Variants in TRHDE observed in about 807,000 individuals in gnomAD.
TRHDE encodes thyrotropin-releasing hormone-degrading ectoenzyme.
In TRHDE, 72 loss-of-function variants were observed where a neutral mutation model predicts 125.7. That is an observed-to-expected ratio of 0.57 (90% confidence interval 0.47 to 0.70). The LOEUF is 0.70. TRHDE is among the 30% of genes least tolerant of loss of function. TRHDE has a pLI of 0.00. For synonymous variants in TRHDE, 509 were observed against 509.1 expected (o/e 1.00, Z 0.00); for missense variants, 1,110 against 1,327.1 (o/e 0.84, Z 2.54).
chr12:72,264,104 C>G (rs1318867491), intron 2 of TRHDE: 3 of 151,996 alleles, frequency 2.0e-5, no homozygotes, highest in African/African-American at 7.2e-5. Flanking sequence ...GAAACCATTC[C>G]TTTTCACTTG....
chr12:72,371,285 C>G (rs945466809), intron 2 of TRHDE, among the ~76,000 whole-genome samples: 1 of 150,816 alleles, frequency 6.6e-6, no homozygotes, highest in Non-Finnish European at 1.5e-5. Context: ...ACCTATGAAA[C>G]TCATTCATTT....
rs572768697 is a variant in TRHDE, at chr12:72,429,344, A to G, written c.1316-40414A>G. Among the ~76,000 whole-genome samples the G allele has an allele frequency of 3.7e-5, 5 of 136,054 alleles. No homozygotes were observed. In the East Asian group the frequency reaches 9.8e-4, roughly 27 times the overall value. The allele number at this position is 136,054 out of a possible 152,430, so 89.3% of individuals were successfully genotyped here. A position where few individuals can be genotyped will look rare whatever the true frequency, so the allele number is the denominator to read the frequency against. On this transcript the variant is annotated intron_variant, in intron 3 of 18. Transcript: ENST00000261180. Reference sequence around the variant, plus strand: ...CGTAACCCAGAATTTAAAGCATAATAATAATAATAATAATAATAATAATAA... The same window carrying G: ...CGTAACCCAGAATTTAAAGCATAATGATAATAATAATAATAATAATAATAA...
intron 2 of TRHDE, among the ~76,000 whole-genome samples, chr12:72,295,314 G>A (rs1880251556): frequency 6.6e-6 from 1 of 152,122 alleles, no homozygotes; most frequent in Non-Finnish European, 1.5e-5. Flanking sequence ...GGGCTCCATG[G>A]AGAGGGCAGC....
Position 72,273,153 on chromosome 12 carries a change from G to A in TRHDE, c.510G>A (p.Pro170=). The A allele has an allele frequency of 1.3e-6, 2 of 1,576,540 alleles. No individual in the cohort carries two copies. Among genetic ancestry groups the A allele is most frequent in the Non-Finnish European group, 1.7e-6 (2 of 1,159,022 alleles). ...CGGGGACCACGTCGGCCCAGCCGCCGTCGGAGGAGGAGCGGGAGCCGTGGG... is the reference window on the plus strand; with the variant it reads ...CGGGGACCACGTCGGCCCAGCCGCCATCGGAGGAGGAGCGGGAGCCGTGGG... ...ASPGTTSAQP[P]SEEEREPWEP... Residue 170 remains proline (P), a synonymous_variant, in exon 1 of 19, where the codon CCG becomes CCA. Coordinates refer to ENST00000261180, the MANE Select transcript of TRHDE (RefSeq NM_013381.3). The surrounding 1 kb of genome is among the most constrained non-coding windows in gnomAD (Gnocchi z 5.3).
chr12:72,210,347 C>T (rs1219124877), intron 2 of TRHDE, among the ~76,000 whole-genome samples: 4 of 152,054 alleles, frequency 2.6e-5, no homozygotes, highest in Non-Finnish European at 5.9e-5. Flanking sequence ...GCCATTGTTT[C>T]CCTTGTGCAT....
chr12:72,214,469 C>CT (rs1038225327), intron 2 of TRHDE, among the ~76,000 whole-genome samples: 1 of 152,080 alleles, frequency 6.6e-6, no homozygotes, highest in African/African-American at 2.4e-5. Context: ...ACAATTATTG[C>CT]TTTTTTCTGA....
chr12:72,180,569 A>G (rs965504469), intron 2 of TRHDE, among the ~76,000 whole-genome samples: 2 of 152,034 alleles, frequency 1.3e-5, no homozygotes, highest in Non-Finnish European at 2.9e-5. Flanking sequence ...GTTCCTTTTG[A>G]AAAGGGATAT....
At chr12:72,156,371 G>A (rs995107784) in intron 2 of TRHDE, among the ~76,000 whole-genome samples, 2 of 152,152 alleles carry the variant, frequency 1.3e-5, no homozygotes, top group East Asian at 1.9e-4. Flanking sequence ...GCCCTGCTTC[G>A]GCTCATGCTC....
chr12:72,616,760 A>T (rs965245959), intron 12 of TRHDE, among the ~76,000 whole-genome samples: 4 of 152,130 alleles, frequency 2.6e-5, no homozygotes, highest in African/African-American at 4.8e-5. Context: ...AAGTTTTTTT[A>T]AAAATACATT....
chr12:72,449,538 A>G (rs1875469503), intron 3 of TRHDE, among the ~76,000 whole-genome samples: 1 of 151,994 alleles, frequency 6.6e-6, no homozygotes, highest in African/African-American at 2.4e-5. Flanking sequence ...TAGTAATAGA[A>G]AGATAGATGG....
rs556865939 is a variant in TRHDE, at chr12:72,338,543, T to A, written c.1189-39452T>A. Among the ~76,000 whole-genome samples the A allele has an allele frequency of 9.8e-5, 15 of 152,294 alleles. No homozygotes were observed. In the South Asian group the frequency reaches 2.9e-3, roughly 29 times the overall value. ...AGAGTGTAGGTTCTAGCTTTTTATCTGACATCCACTCATTATATGACTTTG... is the reference window on the plus strand; with the variant it reads ...AGAGTGTAGGTTCTAGCTTTTTATCAGACATCCACTCATTATATGACTTTG... On this transcript the variant is annotated intron_variant, in intron 2 of 18. Transcript: ENST00000261180.
chr12:72,319,734 A>G (rs1486163049), intron 2 of TRHDE, among the ~76,000 whole-genome samples: 1 of 152,212 alleles, frequency 6.6e-6, no homozygotes, highest in Non-Finnish European at 1.5e-5. Context: ...AGATAATAAG[A>G]ACCATTGTTT....
At chr12:72,283,869 C>T (rs1879783133) in intron 1 of TRHDE, among the ~76,000 whole-genome samples, 1 of 151,468 alleles carries the variant, frequency 6.6e-6, no homozygotes, top group South Asian at 2.1e-4. Context: ...TATTAGGTGT[C>T]CTTTAATTTT....
At chr12:72,092,394 C>T (rs1874811517) in intron 1 of TRHDE, among the ~76,000 whole-genome samples, 1 of 152,200 alleles carries the variant, frequency 6.6e-6, no homozygotes, top group African/African-American at 2.4e-5. Flanking sequence ...GCCCATGTAA[C>T]TGGAAAGCAT....
chr12:72,388,031 C>A lies in TRHDE; in HGVS notation c.1315+9910C>A, dbSNP rs184353383. Among the ~76,000 whole-genome samples the A allele has an allele frequency of 3.5e-3, 539 of 152,144 alleles. 2 individuals are homozygous for A. The highest frequency in any genetic ancestry group is 5.7e-3 in the Non-Finnish European group (385 of 67,998). ...TGCATGCTTGCCCCTACCCTTTACC[C>A]CCCCGGACCCTCTAATCTCATTTAT... On this transcript the variant is annotated intron_variant, in intron 3 of 18. Coordinates refer to ENST00000261180, the MANE Select transcript of TRHDE (RefSeq NM_013381.3).
Position 72,206,493 on chromosome 12 carries a change from A to G in TRHDE, n.279+100741A>G, listed in dbSNP as rs1246391220. On this transcript the variant is annotated intron_variant and non_coding_transcript_variant, in intron 2 of 4. Coordinates refer to the TRHDE transcript ENST00000548156. ...TAGAAACTTTATTTGTAGTAACCTC[A>G]TAGTGCCTAGTACCTAGTAGGTGTT... is the stretch of plus-strand genomic sequence containing the variant. 1.8e-4 allele frequency among the ~76,000 whole-genome samples: 27 copies of G among 152,192 alleles called. 1 individual carries two copies. The highest frequency in any genetic ancestry group is 1.8e-3 in the Admixed American group (27 of 15,286).
At chr12:72,624,181 T>C (rs144029359) in intron 15 of TRHDE, among the ~76,000 whole-genome samples, 103 of 152,108 alleles carry the variant, frequency 6.8e-4, no homozygotes, top group South Asian at 5.6e-3. Context: ...AGCTTGATAA[T>C]TAAACAATAA....
At chr12:72,367,047 G>C (rs368566634) in intron 2 of TRHDE, among the ~76,000 whole-genome samples, 94 of 152,116 alleles carry the variant, frequency 6.2e-4, no homozygotes, top group African/African-American at 2.2e-3. Context: ...GGTAGTTGTG[G>C]TTTTCATATC....
chr12:72,631,677 G>T (rs1006278162), intron 15 of TRHDE, among the ~76,000 whole-genome samples: 1 of 151,752 alleles, frequency 6.6e-6, no homozygotes, highest in East Asian at 1.9e-4. Flanking sequence ...TCAATTAAAG[G>T]CCTAGAGAAT....
Sources: gnomAD v4.1 joint callset for allele counts (sites outside exome capture counted in the v4.1 genomes callset) on GRCh38, gnomAD v4.1.1 for gene constraint, Gnocchi (gnomAD v3.1) non-coding constraint, MANE v1.5 for transcripts, NCBI Gene and HGNC (gene_info 2026-07-23, HGNC 2026-07-21) for gene names.